Variants in GIGYF2 observed in about 807,000 individuals in gnomAD.
GIGYF2 encodes GRB10 interacting GYF protein 2.
In GIGYF2, 25 loss-of-function variants were observed where a neutral mutation model predicts 208.1. That is an observed-to-expected ratio of 0.12 (90% CI 0.09 to 0.17). The LOEUF is 0.17. Ranked by LOEUF, GIGYF2 falls within the 10% of genes least tolerant of loss-of-function variation. The pLI is 1.00. For missense variants in GIGYF2, 1,302 were observed against 1,579.4 expected (o/e 0.82, Z 2.98); for synonymous variants, 534 against 543.8 (o/e 0.98, Z 0.25).
rs71398741 is a variant in GIGYF2, at chr2:232,711,104, ATT to A, written c.-44+7628_-44+7629del. Among the ~76,000 whole-genome samples, 1,058 of 144,154 alleles carry A rather than the reference ATT, an allele frequency of 7.3e-3. 13 individuals carry two copies. Among genetic ancestry groups the A allele is most frequent in the African/African-American group, 0.025 (973 of 39,488 alleles). 94.6% of individuals were successfully genotyped at this position (144,154 alleles called of 152,430 possible). ...TTATTTATGTGTTTTTTATTTGTTAATTTTTTTTTTTTTTAAAGACAGTGTCT... is the reference window on the plus strand; with the variant it reads ...TTATTTATGTGTTTTTTATTTGTTAATTTTTTTTTTTTAAAGACAGTGTCT... On this transcript the variant is annotated intron_variant, in intron 2 of 28. Coordinates refer to ENST00000373563, the MANE Select transcript of GIGYF2 (RefSeq NM_001103146.3).
intron 28 of GIGYF2, among the ~76,000 whole-genome samples, chr2:232,852,398 A>T (rs1401125050): frequency 6.6e-6 from 1 of 152,078 alleles, no homozygotes; most frequent in Non-Finnish European, 1.5e-5. Flanking sequence ...ATACAAAATT[A>T]GCTGGGCGTG....
At chr2:232,790,530 A>G (rs1700039496) in intron 9 of GIGYF2, among the ~76,000 whole-genome samples, 168 bp from the exon 10 acceptor site, 1 of 152,066 alleles carries the variant, frequency 6.6e-6, no homozygotes, top group Admixed American at 6.5e-5. Context: ...TGGTACATAT[A>G]CTCTGAACTC....
chr2:232,716,846 C>T (rs1696705998), intron 2 of GIGYF2, among the ~76,000 whole-genome samples: 2 of 152,022 alleles, frequency 1.3e-5, no homozygotes, highest in Admixed American at 1.3e-4. Flanking sequence ...CACTTTGTAG[C>T]CCAGGCTGGA....
chr2:232,745,202 C>T (rs1485375859), intron 3 of GIGYF2, among the ~76,000 whole-genome samples: 1 of 152,096 alleles, frequency 6.6e-6, no homozygotes, highest in Non-Finnish European at 1.5e-5. Flanking sequence ...AAATGACCTC[C>T]AAGCCCAAGA....
At chr2:232,748,586 C>T (rs549299084) in intron 4 of GIGYF2, among the ~76,000 whole-genome samples, 1 of 152,122 alleles carries the variant, frequency 6.6e-6, no homozygotes, top group African/African-American at 2.4e-5. Flanking sequence ...TGCCCCACCT[C>T]CAGTATACTT....
At chr2:232,741,582 A>G (rs748398528) in intron 3 of GIGYF2, among the ~76,000 whole-genome samples, 5 of 151,962 alleles carry the variant, frequency 3.3e-5, no homozygotes, top group South Asian at 4.1e-4. Flanking sequence ...AGCTGGGACT[A>G]TAGGCATGCA....
At chr2:232,750,887 C>T (rs936837413) in intron 5 of GIGYF2, among the ~76,000 whole-genome samples, 10 of 152,108 alleles carry the variant, frequency 6.6e-5, no homozygotes, top group Admixed American at 2.6e-4. Flanking sequence ...TGTAGTACAG[C>T]GGCATGATCA....
rs775167126 is a variant in GIGYF2, at chr2:232,832,972, G to T, written c.2645G>T (p.Arg882Leu). 3 of 1,574,726 alleles carry T rather than the reference G, an allele frequency of 1.9e-6. No homozygotes were observed. The highest frequency in any genetic ancestry group is 2.7e-5 in the African/African-American group (2 of 74,070). The change falls in exon 22 of 29, where the codon CGG (arginine) becomes CTG (leucine). Residue 882 changes from arginine (R) to leucine (L), a missense_variant. By Grantham distance (102) the Arg-to-Leu change is moderately radical. Coordinates refer to ENST00000373563, the MANE Select transcript of GIGYF2 (RefSeq NM_001103146.3). ...AGACTCCGGCATGAGGAAGAAGAAC[G>T]GAAGAGAAAGGAGCTGGAGGTCCAG... ...AARLRHEEEE[R>L]KRKELEVQRQ...
intron 4 of GIGYF2, 71 bp from the exon 5 acceptor site, chr2:232,748,916 A>G (rs141497953): frequency 0.01 from 8,312 of 801,068 alleles, 261 homozygotes; most frequent in Admixed American, 0.077. Context: ...TCTTTCTTGG[A>G]TTTATCTTCT....
intron 5 of GIGYF2, among the ~76,000 whole-genome samples, chr2:232,750,722 A>G (rs1698305130): frequency 6.9e-6 from 1 of 145,786 alleles, no homozygotes; most frequent in Non-Finnish European, 1.5e-5. Context: ...TATGCTATTT[A>G]TATGAGCTCT....
chr2:232,839,542 A>G lies in GIGYF2; in HGVS notation c.2767-307A>G, dbSNP rs2289911. On this transcript the variant is annotated intron_variant, in intron 22 of 28. Transcript: ENST00000373563. ...TTTGTTTACTCCTCTTTATGGTTGT[A>G]TATTGCTGTTTATGTCAGTACCAGA... Among the ~76,000 whole-genome samples the G allele has an allele frequency of 0.28, 42,442 of 152,130 alleles. 6,676 individuals carry two copies. The highest frequency in any genetic ancestry group is 0.36 in the Non-Finnish European group (24,277 of 67,966).
intron 1 of GIGYF2, among the ~76,000 whole-genome samples, chr2:232,701,367 C>T (rs1665792798): frequency 1.3e-5 from 2 of 151,438 alleles, no homozygotes; most frequent in Admixed American, 6.6e-5. Flanking sequence ...GACCCTGTCT[C>T]CTGGGGGTTT....
chr2:232,850,360 C>G lies in GIGYF2; in HGVS notation c.3783C>G (p.Gly1261=), dbSNP rs530226513. ...QQSNFEAVQS[G]KKKKKQKMVR... ...CCAATTTTGAGGCTGTGCAGAGTGG[C>G]AAGAAGAAGAAAAAGCAGAAGATGG... The change falls in exon 28 of 29, where the codon GGC becomes GGG. Residue 1261 remains glycine (G), a synonymous_variant. Transcript: ENST00000373563. 51 of 1,613,918 alleles carry G rather than the reference C, an allele frequency of 3.2e-5. 1 individual carries two copies. In the South Asian group the frequency reaches 5.5e-4, roughly 17 times the overall value.
intron 27 of GIGYF2, among the ~76,000 whole-genome samples, chr2:232,849,142 A>C (rs531042611): frequency 1.3e-5 from 2 of 152,270 alleles, no homozygotes; most frequent in East Asian, 3.9e-4. Context: ...AAAGTGAAAG[A>C]TGTAAACACT....
At chr2:232,784,391 T>C (rs904254547) in intron 8 of GIGYF2, among the ~76,000 whole-genome samples, 4 of 120,172 alleles carry the variant, frequency 3.3e-5, no homozygotes, top group Admixed American at 8.2e-5. Context: ...AATTTCTTTT[T>C]TTTTTTTTTT....
intron 8 of GIGYF2, chr2:232,776,496 TAC>T: frequency 7.0e-7 from 1 of 1,433,724 alleles, no homozygotes; most frequent in Non-Finnish European, 9.8e-7. Context: ...TAAGGAAATT[TAC>T]AGAGTCTGCC....
intron 3 of GIGYF2, among the ~76,000 whole-genome samples, chr2:232,739,375 G>A (rs916296336): frequency 4.4e-4 from 14 of 31,590 alleles, no homozygotes; most frequent in African/African-American, 1.5e-3. Flanking sequence ...CCCCCCCCCC[G>A]CAAAAAAAAA....
chr2:232,831,735 CTT>C (rs770475613), intron 21 of GIGYF2, among the ~76,000 whole-genome samples: 1 of 152,182 alleles, frequency 6.6e-6, no homozygotes, highest in Non-Finnish European at 1.5e-5. Context: ...GGTGTGTTGA[CTT>C]TTGAGTTCAG....
At chr2:232,715,687 G>A (rs1696645234) in intron 2 of GIGYF2, among the ~76,000 whole-genome samples, 1 of 151,984 alleles carries the variant, frequency 6.6e-6, no homozygotes, top group Non-Finnish European at 1.5e-5. Context: ...CAGTAAATGT[G>A]TTAACAGATC....
Sources: allele counts gnomAD v4.1 joint callset (sites outside exome capture counted in the v4.1 genomes callset), GRCh38; gene constraint gnomAD v4.1.1; transcripts MANE v1.5; gene names NCBI Gene and HGNC (gene_info 2026-07-23, HGNC 2026-07-21).